Variants in ELP4 observed in about 807,000 individuals in gnomAD.
ELP4 encodes elongator acetyltransferase complex subunit 4.
In ELP4, 51 loss-of-function variants were observed where a neutral mutation model predicts 48.9. The ratio of observed to expected loss-of-function variants is 1.04; its 90% CI spans 0.83 to 1.32. ELP4 has a LOEUF of 1.32. Among genes scored for constraint, ELP4 ranks in the 40% most tolerant of loss-of-function variants. The probability of loss-of-function intolerance (pLI) is 0.00; values close to 1 mark genes in which losing one functional copy is unlikely to be tolerated. For synonymous variants in ELP4, 210 were observed against 189.2 expected (o/e 1.11, Z -0.90); for missense variants, 519 against 514.6 (o/e 1.01, Z -0.08).
At chr11:31,761,982 G>T (rs985542487) in intron 9 of ELP4, 7 of 152,360 alleles carry the variant, frequency 4.6e-5, no homozygotes, top group Non-Finnish European at 4.4e-5. Context: ...TGGCGACTCA[G>T]AAAGGGTCAG....
intron 9 of ELP4, among the ~76,000 whole-genome samples, chr11:31,695,165 T>C (rs1368943581): frequency 4.6e-5 from 7 of 152,134 alleles, no homozygotes; most frequent in Admixed American, 3.3e-4. Context: ...TCCTGCCTGA[T>C]TGTCATGGCC....
intron 5 of ELP4, among the ~76,000 whole-genome samples, chr11:31,622,311 G>A (rs200508309): frequency 6.6e-6 from 1 of 151,584 alleles, no homozygotes; most frequent in African/African-American, 2.4e-5. Context: ...GTTGTATATT[G>A]TTCTTTACTC....
At chr11:31,767,600 C>G (rs1167426441) in intron 9 of ELP4, 1 of 152,144 alleles carries the variant, frequency 6.6e-6, no homozygotes, top group African/African-American at 2.4e-5. Context: ...AAAAAAGACC[C>G]TAAGAGCAGC....
intron 9 of ELP4, among the ~76,000 whole-genome samples, chr11:31,674,594 A>T (rs1945878440): frequency 6.6e-6 from 1 of 152,254 alleles, no homozygotes; most frequent in African/African-American, 2.4e-5. Context: ...TCTCATTTAT[A>T]AAACTGTGAA....
chr11:31,687,184 A>C (rs758648083), intron 9 of ELP4, among the ~76,000 whole-genome samples: 5 of 152,176 alleles, frequency 3.3e-5, no homozygotes, highest in Admixed American at 6.5e-5. Context: ...AGAATAGGAC[A>C]TATAGGTGGA....
At chr11:31,689,658 TTA>T (rs551273721) in intron 9 of ELP4, among the ~76,000 whole-genome samples, 375 of 152,200 alleles carry the variant, frequency 2.5e-3, no homozygotes, top group Middle Eastern at 0.01. Context: ...ACTTCCCATC[TTA>T]TGTTCTATGT....
chr11:31,521,359 A>C (rs558939976), intron 2 of ELP4, among the ~76,000 whole-genome samples: 1 of 151,964 alleles, frequency 6.6e-6, no homozygotes, highest in East Asian at 1.9e-4. Context: ...CCTTTTATAC[A>C]TGAGGAAATG....
intron 9 of ELP4, among the ~76,000 whole-genome samples, chr11:31,775,706 C>T (rs1175175887): frequency 2.0e-5 from 3 of 152,076 alleles, no homozygotes; most frequent in African/African-American, 7.2e-5. Context: ...ATGGTTCACA[C>T]CTGTAATCCC....
intron 3 of ELP4, among the ~76,000 whole-genome samples, chr11:31,581,430 T>A (rs1481804980): frequency 6.6e-6 from 1 of 151,276 alleles, no homozygotes; most frequent in East Asian, 1.9e-4. Flanking sequence ...TTAATTCCAC[T>A]CTCAAATTTA....
intron 9 of ELP4, among the ~76,000 whole-genome samples, chr11:31,658,149 A>T (rs144205822): frequency 6.6e-6 from 1 of 152,164 alleles, no homozygotes; most frequent in Non-Finnish European, 1.5e-5. Context: ...CGTCTTCATT[A>T]CATAAGCCAG....
intron 3 of ELP4, among the ~76,000 whole-genome samples, chr11:31,556,509 A>G (rs1042108900): frequency 2.0e-5 from 3 of 151,922 alleles, no homozygotes; most frequent in Non-Finnish European, 2.9e-5. Context: ...TAAGATTTTT[A>G]TATCCTTTTC....
rs1565084266 is a variant in ELP4 at position 31,623,384 on chromosome 11, T to TAAAA, written c.654-3725_654-3724insAAAA. Among the ~76,000 whole-genome samples the TAAAA allele has an allele frequency of 2.4e-3, 190 of 78,634 alleles. 6 individuals carry two copies. Among genetic ancestry groups the TAAAA allele is most frequent in the East Asian group, 9.8e-3 (38 of 3,882 alleles). 51.6% of individuals were successfully genotyped at this position (78,634 alleles called of 152,430 possible). ...ATATATATATATATATATATATATA[T>TAAAA]ATATATAAAACTAGAAACATTGCTG... is the stretch of plus-strand genomic sequence containing the variant. On this transcript the variant is annotated intron_variant, in intron 5 of 9. Transcript: ENST00000640961.
At chr11:31,617,101 A>C (rs1243867413) in intron 5 of ELP4, among the ~76,000 whole-genome samples, 2 of 152,068 alleles carry the variant, frequency 1.3e-5, no homozygotes, top group Non-Finnish European at 2.9e-5. Flanking sequence ...ATTTGAAGAG[A>C]TATTTGGACA....
At chr11:31,686,847 C>G (rs905713448) in intron 9 of ELP4, among the ~76,000 whole-genome samples, 2 of 144,684 alleles carry the variant, frequency 1.4e-5, no homozygotes, top group Admixed American at 1.4e-4. Context: ...CCTGCCTGGG[C>G]AACAGAGTGA....
In ELP4 at chr11:31,694,853, T is replaced by C. The variant is rs539444370; in HGVS notation, c.1143+44632T>C. Among the ~76,000 whole-genome samples the C allele has an allele frequency of 7.2e-5, 11 of 152,328 alleles. No homozygotes were observed. In the East Asian group the frequency reaches 2.1e-3, roughly 29 times the overall value. Reference sequence around the variant, plus strand: ...TATTTCATTGAGCAGTGGTTTGTAGTTCTCCTTGAAGAGGTCCTTGACATC... The same window carrying C: ...TATTTCATTGAGCAGTGGTTTGTAGCTCTCCTTGAAGAGGTCCTTGACATC... On this transcript the variant is annotated intron_variant, in intron 9 of 9. Transcript: ENST00000640961.
chr11:31,513,801 T>C (rs1243267291), intron 1 of ELP4, among the ~76,000 whole-genome samples: 3 of 152,230 alleles, frequency 2.0e-5, no homozygotes, highest in Admixed American at 2.0e-4. Context: ...CGTTGTCTTA[T>C]GATTTTGAAA....
rs146579778 is a variant in ELP4, at chr11:31,784,826, T to C, written c.*1302T>C. ...CAGCTTTTATTCAGAATTAGAATAATTGAATCAATGACAGTGATTTGCCAG... is the reference window on the plus strand; with the variant it reads ...CAGCTTTTATTCAGAATTAGAATAACTGAATCAATGACAGTGATTTGCCAG... On this transcript the variant is annotated 3_prime_UTR_variant, in exon 10 of 10. Transcript: ENST00000640961. 1.2e-3 allele frequency: 215 copies of C among 176,402 alleles called. No individual in the cohort carries two copies. The highest frequency in any genetic ancestry group is 1.9e-3 in the Non-Finnish European group (158 of 81,706). The allele number at this position is 176,402 out of a possible 1,614,324, so 10.9% of individuals were successfully genotyped here.
At chr11:31,710,733 G>T (rs1946723547) in intron 9 of ELP4, among the ~76,000 whole-genome samples, 1 of 152,108 alleles carries the variant, frequency 6.6e-6, no homozygotes, top group Non-Finnish European at 1.5e-5. Context: ...ATGGACTTTG[G>T]ATACCTCTTC....
chr11:31,681,481 A>G (rs963439010), intron 9 of ELP4, among the ~76,000 whole-genome samples: 3 of 152,218 alleles, frequency 2.0e-5, no homozygotes, highest in African/African-American at 7.2e-5. Context: ...ACAGTTGTAG[A>G]AGAGATTAGA....
Sources: gnomAD v4.1 joint callset for allele counts (sites outside exome capture counted in the v4.1 genomes callset) on GRCh38, gnomAD v4.1.1 for gene constraint, MANE v1.5 for transcripts, NCBI Gene and HGNC (gene_info 2026-07-23, HGNC 2026-07-21) for gene names.